SAMD3: variants seen among roughly 807,000 people sequenced by gnomAD.
The protein encoded by SAMD3 is sterile alpha motif domain-containing protein 3.
SAMD3 carries 63 observed loss-of-function variants against 58.5 expected under a neutral mutation model. The ratio of observed to expected loss-of-function variants is 1.08; its 90% CI spans 0.88 to 1.33. SAMD3 has a LOEUF of 1.33. Among genes scored for constraint, SAMD3 ranks in the 40% most tolerant of loss-of-function variants. The pLI is 0.00. For missense variants in SAMD3, 604 were observed against 608.4 expected, an observed-to-expected ratio of 0.99 and a Z score of 0.08; for synonymous variants, 220 against 210.3, an observed-to-expected ratio of 1.05 and a Z score of -0.40.
intron 2 of SAMD3, among the ~76,000 whole-genome samples, chr6:130,261,407 C>T (rs1197938582): frequency 6.6e-6 from 1 of 151,966 alleles, no homozygotes; most frequent in Admixed American, 6.6e-5. Context: ...TGAGTGGAAG[C>T]ATGGCCTGAT....
chr6:130,168,864 G>A (rs898799342), intron 8 of SAMD3, among the ~76,000 whole-genome samples: 1 of 152,116 alleles, frequency 6.6e-6, no homozygotes, highest in Non-Finnish European at 1.5e-5. Flanking sequence ...GTGCAGTGGT[G>A]CATTCTCAGC....
Position 130,144,507 on chromosome 6 carries a change from A to G in SAMD3, c.*13T>C. 6.2e-7 allele frequency: 1 copy of G among 1,609,462 alleles called. No homozygotes were observed. Among genetic ancestry groups the G allele is most frequent in the East Asian group, 2.2e-5 (1 of 44,808 alleles). On this transcript the variant is annotated 3_prime_UTR_variant, in exon 12 of 12. Coordinates refer to ENST00000439090, the MANE Select transcript of SAMD3 (RefSeq NM_001017373.4). ...TCCCAGAGGTAAATTCCAGTACAAT[A>G]TTTGGCATGCTATTAAGTGAGTGGG...
At chr6:130,321,705 C>T (rs1776590084) in intron 1 of SAMD3, among the ~76,000 whole-genome samples, 1 of 98,590 alleles carries the variant, frequency 1.0e-5, no homozygotes. Flanking sequence ...TCTCATTCCC[C>T]CAATAAAATA....
chr6:130,207,786 C>G (rs2114816292), intron 5 of SAMD3, among the ~76,000 whole-genome samples: 1 of 152,270 alleles, frequency 6.6e-6, no homozygotes, highest in South Asian at 2.1e-4. Context: ...GTCAGTGGGC[C>G]CTAACACTGG....
intron 5 of SAMD3, among the ~76,000 whole-genome samples, chr6:130,200,808 T>A (rs1794589313): frequency 6.6e-6 from 1 of 152,140 alleles, no homozygotes; most frequent in African/African-American, 2.4e-5. Flanking sequence ...CTGACTCTGT[T>A]GAGTGTTTTC....
At chr6:130,207,329 T>C (rs2114814461) in intron 5 of SAMD3, among the ~76,000 whole-genome samples, 1 of 152,248 alleles carries the variant, frequency 6.6e-6, no homozygotes, top group East Asian at 1.9e-4. Context: ...GCCCTCTGTG[T>C]GCTTCCACTC....
chr6:130,355,983 C>A (rs374076579), intron 1 of SAMD3, among the ~76,000 whole-genome samples: 79 of 152,138 alleles, frequency 5.2e-4, no homozygotes, highest in African/African-American at 1.7e-3. Context: ...TTGCTACAGC[C>A]TTTTAGAGGT....
upstream of SAMD3, among the ~76,000 whole-genome samples, chr6:130,223,827 G>C (rs1796305796): frequency 6.6e-6 from 1 of 152,196 alleles, no homozygotes; most frequent in South Asian, 2.1e-4. Context: ...AGAAGCCCCA[G>C]TGGGAGTGTG....
chr6:130,342,166 G>C (rs1201082090), intron 1 of SAMD3, among the ~76,000 whole-genome samples: 1 of 152,116 alleles, frequency 6.6e-6, no homozygotes, highest in Non-Finnish European at 1.5e-5. Flanking sequence ...AGGGGCCATA[G>C]CTTTTACCAG....
intron 1 of SAMD3, among the ~76,000 whole-genome samples, chr6:130,341,067 T>C (rs1009688986): frequency 7.2e-5 from 11 of 152,250 alleles, no homozygotes; most frequent in African/African-American, 2.2e-4. Flanking sequence ...TTAAGCCTTA[T>C]TGATGTGGGA....
chr6:130,347,178 C>T (rs1417229642), intron 1 of SAMD3, among the ~76,000 whole-genome samples: 1 of 152,126 alleles, frequency 6.6e-6, no homozygotes, highest in East Asian at 1.9e-4. Context: ...AGTGCCTCTC[C>T]TCCTCCAAAG....
chr6:130,239,574 A>C (rs2114891859), intron 2 of SAMD3, among the ~76,000 whole-genome samples: 1 of 152,300 alleles, frequency 6.6e-6, no homozygotes, highest in Non-Finnish European at 1.5e-5. Flanking sequence ...AAGTCCAACT[A>C]CTTCTATTAC....
intron 2 of SAMD3, among the ~76,000 whole-genome samples, chr6:130,266,367 AC>A (rs952247393): frequency 3.3e-5 from 5 of 152,140 alleles, no homozygotes; most frequent in Non-Finnish European, 7.4e-5. Flanking sequence ...AAGAATTTGT[AC>A]CTATAAACCC....
intron 1 of SAMD3, among the ~76,000 whole-genome samples, chr6:130,327,963 G>T (rs78718567): frequency 0.016 from 2,403 of 152,206 alleles, 57 homozygotes; most frequent in African/African-American, 0.055. Context: ...TTTATCTCCA[G>T]AAATGGGATT....
At chr6:130,351,132 A>C (rs189745567) in intron 1 of SAMD3, among the ~76,000 whole-genome samples, 1 of 152,282 alleles carries the variant, frequency 6.6e-6, no homozygotes, top group Admixed American at 6.5e-5. Flanking sequence ...CCGAGAAGAA[A>C]ACCTAGGCGA....
chr6:130,288,649 T>C (rs1401759455), intron 2 of SAMD3, among the ~76,000 whole-genome samples: 2 of 152,306 alleles, frequency 1.3e-5, no homozygotes, highest in East Asian at 3.9e-4. Flanking sequence ...TGGAAACTAA[T>C]GTGGATGTTT....
At chr6:130,162,869 C>T (rs892303822) in intron 8 of SAMD3, among the ~76,000 whole-genome samples, 11 of 152,226 alleles carry the variant, frequency 7.2e-5, no homozygotes, top group African/African-American at 2.7e-4. Flanking sequence ...CCACTAGCCA[C>T]ATGTGGCTTC....
chr6:130,157,744 A>T (rs1789921962), intron 8 of SAMD3, among the ~76,000 whole-genome samples: 1 of 152,236 alleles, frequency 6.6e-6, no homozygotes, highest in African/African-American at 2.4e-5. Context: ...GAGTAGTAAG[A>T]CAGGAAAATA....
chr6:130,308,405 A>ATTCTATTCT (rs1562513147), intron 2 of SAMD3, among the ~76,000 whole-genome samples: 153 of 126,344 alleles, frequency 1.2e-3, no homozygotes, highest in African/African-American at 3.3e-3. Flanking sequence ...ATTCTATTCT[A>ATTCTATTCT]TTCTATTCTA....
Sources: allele counts gnomAD v4.1 joint callset (sites outside exome capture counted in the v4.1 genomes callset), GRCh38; gene constraint gnomAD v4.1.1; transcripts MANE v1.5; gene names NCBI Gene and HGNC (gene_info 2026-07-23, HGNC 2026-07-21).